GLIS3: variants seen among roughly 807,000 people sequenced by gnomAD.
GLIS3 encodes the protein GLIS family zinc finger 3.
A neutral mutation model predicts 78.6 loss-of-function variants in GLIS3; 53 were observed. The ratio of observed to expected loss-of-function variants is 0.67; its 90% CI spans 0.54 to 0.85. The LOEUF (loss-of-function observed/expected upper bound fraction) is 0.85. GLIS3 is among the 40% of genes least tolerant of loss of function. GLIS3 has a pLI of 0.00. For missense variants in GLIS3, 1,703 were observed against 1,231.1 expected (o/e 1.38, Z -5.74); for synonymous variants, 684 against 509.9 (o/e 1.34, Z -4.60).
chr9:3,973,639 T>TA (rs1444985862), intron 4 of GLIS3, among the ~76,000 whole-genome samples: 2 of 152,182 alleles, frequency 1.3e-5, no homozygotes, highest in Non-Finnish European at 2.9e-5. Context: ...TACTTTACTA[T>TA]AAAAATCATT....
At chr9:3,840,625 G>T (rs10758488) in intron 9 of GLIS3, among the ~76,000 whole-genome samples, 27,996 of 152,112 alleles carry the variant, frequency 0.18, 3,129 homozygotes, top group African/African-American at 0.32. Flanking sequence ...AAATTCCATT[G>T]AGGCACATTT....
rs35583742 is a variant in GLIS3, at chr9:4,321,421, CAAAAAAAAAAAAAAAAA to C, written n.265-10910_265-10894del. On this transcript the variant is annotated intron_variant and non_coding_transcript_variant, in intron 2 of 4. Transcript: ENST00000471664. The stretch of plus-strand genomic sequence containing the variant: ...TGGGCCACAGAGCTAGACTCCGTCT[CAAAAAAAAAAAAAAAAA>C]AAAAAAAAAAAAAAAAAAAAAAAAA... Among the ~76,000 whole-genome samples the C allele has an allele frequency of 3.2e-3, 52 of 16,296 alleles. 2 individuals carry two copies. In the South Asian group the frequency reaches 0.083, roughly 26 times the overall value. The allele number at this position is 16,296 out of a possible 152,430, so 10.7% of individuals were successfully genotyped here. A position where few individuals can be genotyped will look rare whatever the true frequency, so the allele number is the denominator to read the frequency against.
intron 2 of GLIS3, among the ~76,000 whole-genome samples, chr9:4,260,744 CAAAAAAGAAA>C (rs553359352): frequency 2.0e-4 from 30 of 151,166 alleles, no homozygotes; most frequent in African/African-American, 6.6e-4. Flanking sequence ...GACTCCGTCC[CAAAAAAGAAA>C]AAAAAAGAAA....
At chr9:4,052,808 G>T (rs1236668538) in intron 4 of GLIS3, among the ~76,000 whole-genome samples, 2 of 152,094 alleles carry the variant, frequency 1.3e-5, no homozygotes, top group Non-Finnish European at 2.9e-5. Context: ...TTGTTTAAAT[G>T]TCTGTTTTTA....
chr9:4,027,781 C>T (rs943612776), intron 4 of GLIS3, among the ~76,000 whole-genome samples: 9 of 152,198 alleles, frequency 5.9e-5, no homozygotes, highest in African/African-American at 1.7e-4. Flanking sequence ...TCCAGGCAGA[C>T]GAGGCATTCA....
intron 2 of GLIS3, among the ~76,000 whole-genome samples, chr9:4,201,865 G>C (rs1025487644): frequency 2.0e-5 from 3 of 152,174 alleles, no homozygotes; most frequent in Admixed American, 2.0e-4. Flanking sequence ...GCCAGGCATG[G>C]TAGCTCATGC....
At chr9:4,458,084 A>G in the GLIS3 span, among the ~76,000 whole-genome samples, 6 of 152,158 alleles carry the variant, frequency 3.9e-5, no homozygotes, top group African/African-American at 4.8e-5. Context: ...AGCACCAGGA[A>G]AAACTGGAGA....
At position 4,098,842 on chromosome 9, in the gene GLIS3, G is replaced by A. The variant is rs189249694; in HGVS notation, c.1710+18926C>T. On this transcript the variant is annotated intron_variant, in intron 4 of 10. Coordinates refer to ENST00000381971, the MANE Select transcript of GLIS3 (RefSeq NM_001042413.2). ...TTTGTCACCCCAAATTAGTTCTCAC[G>A]TACTGCCAACAGACATAAACCCGCA... Among the ~76,000 whole-genome samples, 738 of 152,132 alleles carry A rather than the reference G, an allele frequency of 4.9e-3. 9 individuals carry two copies. Among genetic ancestry groups the A allele is most frequent in the African/African-American group, 0.017 (708 of 41,488 alleles).
intron 4 of GLIS3, among the ~76,000 whole-genome samples, chr9:4,031,948 G>T (rs529446225): frequency 6.6e-6 from 1 of 152,312 alleles, no homozygotes; most frequent in African/African-American, 2.4e-5. Flanking sequence ...AGCCAGGAAA[G>T]ACCTAGCAGA....
At chr9:3,975,443 G>T (rs1430896379) in intron 4 of GLIS3, among the ~76,000 whole-genome samples, 1 of 152,146 alleles carries the variant, frequency 6.6e-6, no homozygotes, top group South Asian at 2.1e-4. Context: ...CATTACTGCT[G>T]TATCTGTCAA....
chr9:4,127,900 T>C (rs1308717310), intron 2 of GLIS3, among the ~76,000 whole-genome samples: 1 of 152,212 alleles, frequency 6.6e-6, no homozygotes, highest in Non-Finnish European at 1.5e-5. Context: ...TGGAACAGCA[T>C]CCAAGGAATA....
At chr9:4,278,996 T>A (rs4740764) in intron 2 of GLIS3, among the ~76,000 whole-genome samples, 52,739 of 152,014 alleles carry the variant, frequency 0.35, 9,387 homozygotes, top group Admixed American at 0.4. Context: ...ACAACTCACC[T>A]AAACTCTTTA....
the GLIS3 span, among the ~76,000 whole-genome samples, chr9:4,398,327 T>C: frequency 1.3e-3 from 205 of 152,098 alleles, 2 homozygotes; most frequent in Middle Eastern, 0.014. Flanking sequence ...TGACCTGGAA[T>C]CTTATTAGGA....
chr9:4,243,784 C>T (rs952035412), intron 2 of GLIS3, among the ~76,000 whole-genome samples: 3 of 152,102 alleles, frequency 2.0e-5, no homozygotes, highest in African/African-American at 7.2e-5. Flanking sequence ...AGGTGGGAGG[C>T]TAAACAGCTG....
chr9:3,980,548 T>C (rs1157510398), intron 4 of GLIS3, among the ~76,000 whole-genome samples: 1 of 152,224 alleles, frequency 6.6e-6, no homozygotes. Flanking sequence ...GCTGTGTGTT[T>C]AGACACCTTT....
chr9:4,111,140 G>T (rs1161799440), intron 4 of GLIS3, among the ~76,000 whole-genome samples: 1 of 152,046 alleles, frequency 6.6e-6, no homozygotes, highest in African/African-American at 2.4e-5. Flanking sequence ...CCCTTAATCA[G>T]ATCATTTATG....
At chr9:4,044,240 G>A (rs1464244149) in intron 4 of GLIS3, among the ~76,000 whole-genome samples, 1 of 152,136 alleles carries the variant, frequency 6.6e-6, no homozygotes, top group Non-Finnish European at 1.5e-5. Context: ...CTCTACCTGT[G>A]AAACCAGACA....
intron 4 of GLIS3, among the ~76,000 whole-genome samples, chr9:4,075,308 C>G (rs1170837560): frequency 6.6e-6 from 1 of 151,794 alleles, no homozygotes; most frequent in East Asian, 1.9e-4. Context: ...GTGGCTGACA[C>G]CTATAATCCC....
At chr9:4,065,148 T>C (rs1021962270) in intron 4 of GLIS3, among the ~76,000 whole-genome samples, 1 of 152,134 alleles carries the variant, frequency 6.6e-6, no homozygotes, top group African/African-American at 2.4e-5. Context: ...TTCCCAGAAC[T>C]CTCCCAGGCT....
Sources: allele counts gnomAD v4.1 joint callset (sites outside exome capture counted in the v4.1 genomes callset), GRCh38; gene constraint gnomAD v4.1.1; transcripts MANE v1.5; gene names NCBI Gene and HGNC (gene_info 2026-07-23, HGNC 2026-07-21).